Variants in SCYL3 observed in about 807,000 individuals in gnomAD.
The protein encoded by SCYL3 is SCY1 like pseudokinase 3.
SCYL3 carries 35 observed loss-of-function variants against 73.8 expected under a neutral mutation model. That is an observed-to-expected ratio of 0.47 (90% CI 0.36 to 0.63). The LOEUF (loss-of-function observed/expected upper bound fraction) is 0.63. SCYL3 is among the 20% of genes least tolerant of loss of function. The probability of loss-of-function intolerance (pLI) is 0.00; values close to 1 mark genes in which losing one functional copy is unlikely to be tolerated. For missense variants in SCYL3, 712 were observed against 798.9 expected, an observed-to-expected ratio of 0.89 and a Z score of 1.31; for synonymous variants, 277 against 295.2, an observed-to-expected ratio of 0.94 and a Z score of 0.63.
At chr1:169,891,196 GGCAA>G (rs546945052) in intron 1 of SCYL3, among the ~76,000 whole-genome samples, 11 of 152,168 alleles carry the variant, frequency 7.2e-5, no homozygotes, top group Non-Finnish European at 1.5e-4. Context: ...GTGGAGCTAC[GGCAA>G]ACCAAAGCCA....
intron 4 of SCYL3, among the ~76,000 whole-genome samples, chr1:169,874,280 C>T (rs776015204): frequency 2.6e-5 from 4 of 152,072 alleles, no homozygotes; most frequent in South Asian, 2.1e-4. Context: ...CTATATGTCC[C>T]GAACATCATT....
Position 169,854,743 on chromosome 1 carries a change from C to T in SCYL3, c.1534G>A (p.Glu512Lys). 3 of 1,614,050 alleles carry T rather than the reference C, an allele frequency of 1.9e-6. No homozygotes were observed. The highest frequency in any genetic ancestry group is 2.5e-6 in the Non-Finnish European group (3 of 1,179,946). ...VKSQCTTLDV[E>K]ESSWDDCEPS... The stretch of plus-strand genomic sequence containing the variant: ...TCGCAGTCATCCCAAGATGACTCTT[C>T]CACATCCAAGGTAGTGCACTGGGAC... Residue 512 changes from glutamate (E) to lysine (K), a missense_variant, in exon 12 of 13, where the codon GAA becomes AAA. By Grantham distance (56) the Glu-to-Lys change is moderately conservative. This residue lies in a region of SCYL3 where 370 missense variants were observed against 350.8 expected (regional missense o/e 1.05). Transcript: ENST00000367771.
intron 7 of SCYL3, 110 bp from the exon 8 acceptor site, chr1:169,867,083 C>T (rs1660083138): frequency 3.2e-6 from 2 of 631,960 alleles, no homozygotes; most frequent in Non-Finnish European, 2.8e-6. Context: ...AAACATTCTC[C>T]TTTGCCATTT....
intron 5 of SCYL3, among the ~76,000 whole-genome samples, chr1:169,872,459 A>C (rs1018162583): frequency 6.6e-6 from 1 of 152,262 alleles, no homozygotes; most frequent in African/African-American, 2.4e-5. Context: ...GAGAACCTCT[A>C]CTAGGGCAGT....
intron 2 of SCYL3, among the ~76,000 whole-genome samples, chr1:169,886,350 C>T (rs1661689274): frequency 6.6e-6 from 1 of 152,100 alleles, no homozygotes; most frequent in Admixed American, 6.5e-5. Flanking sequence ...ACAGCTTTCT[C>T]CAATTAGAAT....
intron 11 of SCYL3, 105 bp from the exon 12 acceptor site, chr1:169,855,069 T>C (rs1659000240): frequency 1.3e-6 from 1 of 781,808 alleles, no homozygotes; most frequent in East Asian, 2.7e-5. Flanking sequence ...TCTAATTACT[T>C]GGAAATATCC....
rs61051062 is a variant in SCYL3 at position 169,876,958 on chromosome 1, T to TAAAAAA, written c.352-873_352-868dup. 1.6e-3 allele frequency among the ~76,000 whole-genome samples: 123 copies of TAAAAAA among 76,422 alleles called. 4 individuals carry two copies. Among genetic ancestry groups the TAAAAAA allele is most frequent in the African/African-American group, 2.0e-3 (37 of 18,952 alleles). 50.1% of individuals were successfully genotyped at this position (76,422 alleles called of 152,430 possible). A position where few individuals can be genotyped will look rare whatever the true frequency, so the allele number is the denominator to read the frequency against. ...CGACAGAGTGAGACCTTGTCTCAAA[T>TAAAAAA]AAAAAAAAAAAAAAAAAAAAAAAAA... On this transcript the variant is annotated intron_variant, in intron 3 of 12. Coordinates refer to ENST00000367771, the MANE Select transcript of SCYL3 (RefSeq NM_020423.7).
At position 169,850,811 on chromosome 1, in the gene SCYL3, G is replaced by C. The variant is rs1472115963; in HGVS notation, c.*2902C>G. ...ACTGTCTCAAAAAAGGACACTTGTA[G>C]TTCCTCTGCCTGTAGTTTGGGGTGT... On this transcript the variant is annotated 3_prime_UTR_variant, in exon 13 of 13. Transcript: ENST00000367771. 1 of 155,926 alleles carries C rather than the reference G, an allele frequency of 6.4e-6. No individual in the cohort carries two copies. Among genetic ancestry groups the C allele is most frequent in the Non-Finnish European group, 1.4e-5 (1 of 70,178 alleles). 9.7% of individuals were successfully genotyped at this position (155,926 alleles called of 1,614,324 possible). A position where few individuals can be genotyped will look rare whatever the true frequency, so the allele number is the denominator to read the frequency against.
intron 11 of SCYL3, chr1:169,856,012 T>A (rs1659118369): frequency 6.5e-7 from 1 of 1,549,196 alleles, no homozygotes; most frequent in African/African-American, 1.4e-5. Flanking sequence ...TGCTTCTTGA[T>A]CTATCACATG....
intron 3 of SCYL3, among the ~76,000 whole-genome samples, chr1:169,876,595 G>A (rs931669828): frequency 2.6e-5 from 4 of 151,952 alleles, no homozygotes; most frequent in African/African-American, 9.7e-5. Context: ...CTGAAATCTT[G>A]TTAGTAGGCA....
intron 2 of SCYL3, among the ~76,000 whole-genome samples, chr1:169,882,946 C>A (rs947636383): frequency 1.3e-5 from 2 of 152,164 alleles, no homozygotes; most frequent in Non-Finnish European, 2.9e-5. Context: ...GCAGTGGCAA[C>A]CCTCTCAGGT....
intron 1 of SCYL3, among the ~76,000 whole-genome samples, chr1:169,893,506 G>T (rs949895938): frequency 7.2e-5 from 11 of 152,202 alleles, no homozygotes; most frequent in Admixed American, 6.5e-4. Flanking sequence ...GACCGACTCC[G>T]CGGCCGCCTT....
chr1:169,883,062 C>T (rs1380196139), intron 2 of SCYL3, among the ~76,000 whole-genome samples: 3 of 152,130 alleles, frequency 2.0e-5, no homozygotes, highest in African/African-American at 7.2e-5. Flanking sequence ...ACACTCACCG[C>T]GAAGGTCCAC....
chr1:169,872,713 G>A (rs898019500), intron 5 of SCYL3, among the ~76,000 whole-genome samples: 4 of 152,200 alleles, frequency 2.6e-5, no homozygotes, highest in African/African-American at 9.6e-5. Flanking sequence ...GGAACCCACC[G>A]CTTGCATCAG....
intron 7 of SCYL3, 24 bp downstream of exon 7, chr1:169,868,904 C>T (rs776907490): frequency 2.6e-5 from 40 of 1,538,288 alleles, no homozygotes; most frequent in Non-Finnish European, 3.0e-5. Context: ...AAGCAGCTGG[C>T]GTCACCACAC....
Position 169,853,062 on chromosome 1 carries a change from A to C in SCYL3, c.*651T>G, listed in dbSNP as rs1219746864. ...CTTATGTCTGTACATTTTCTAACAG[A>C]TATAAAACAAATTTTGTAAAGTTGA... On this transcript the variant is annotated 3_prime_UTR_variant, in exon 13 of 13. Coordinates refer to ENST00000367771, the MANE Select transcript of SCYL3 (RefSeq NM_020423.7). The C allele has an allele frequency of 2.1e-6, 3 of 1,430,714 alleles. No homozygotes were observed. The highest frequency in any genetic ancestry group is 2.0e-4 in the Middle Eastern group (1 of 5,074). The allele number at this position is 1,430,714 out of a possible 1,614,324, so 88.6% of individuals were successfully genotyped here.
In SCYL3 at chr1:169,850,815, C is replaced by T. The variant is rs1341502841; in HGVS notation, c.*2898G>A. On this transcript the variant is annotated 3_prime_UTR_variant, in exon 13 of 13. Coordinates refer to ENST00000367771, the MANE Select transcript of SCYL3 (RefSeq NM_020423.7). The stretch of plus-strand genomic sequence containing the variant: ...TCTCAAAAAAGGACACTTGTAGTTC[C>T]TCTGCCTGTAGTTTGGGGTGTAATA... 1 of 155,680 alleles carries T rather than the reference C, an allele frequency of 6.4e-6. No homozygotes were observed. The highest frequency in any genetic ancestry group is 1.4e-5 in the Non-Finnish European group (1 of 70,046). The allele number at this position is 155,680 out of a possible 1,614,324, so 9.6% of individuals were successfully genotyped here.
intron 3 of SCYL3, among the ~76,000 whole-genome samples, chr1:169,877,100 T>C (rs1354644231): frequency 6.6e-6 from 1 of 152,104 alleles, no homozygotes; most frequent in African/African-American, 2.4e-5. Context: ...TTTAAGTTTT[T>C]TTCCCCAAAC....
chr1:169,873,831 C>T, intron 4 of SCYL3, 79 bp from the exon 5 acceptor site: 2 of 960,554 alleles, frequency 2.1e-6, no homozygotes, highest in Non-Finnish European at 1.7e-6. Context: ...GTTACATAAG[C>T]AATGAGCAAT....
Sources: gnomAD v4.1 joint callset for allele counts (sites outside exome capture counted in the v4.1 genomes callset) on GRCh38, gnomAD v4.1.1 for gene constraint, gnomAD v4.1.1 regional missense constraint, MANE v1.5 for transcripts, NCBI Gene and HGNC (gene_info 2026-07-23, HGNC 2026-07-21) for gene names.